The following TENM4 variants were observed in gnomAD, a reference collection of about 807,000 sequenced individuals.
TENM4 encodes the protein teneurin-4.
A neutral mutation model predicts 243.3 loss-of-function variants in TENM4; 82 were observed. That is an observed-to-expected ratio of 0.34 (90% CI 0.28 to 0.40). TENM4 has a LOEUF of 0.40. Ranked by LOEUF, TENM4 falls within the 10% of genes least tolerant of loss-of-function variation. The probability of loss-of-function intolerance (pLI) is 1.00; values close to 1 mark genes in which losing one functional copy is unlikely to be tolerated. For missense variants in TENM4, 3,138 were observed against 3,673.3 expected (o/e 0.85, Z 3.77); for synonymous variants, 1,412 against 1,456.3 (o/e 0.97, Z 0.69).
intron 1 of TENM4, among the ~76,000 whole-genome samples, chr11:79,380,184 G>A (rs531401871): frequency 2.6e-5 from 4 of 152,258 alleles, no homozygotes; most frequent in African/African-American, 9.6e-5. Flanking sequence ...TGCAGCAAAT[G>A]TTGAATGAGA....
chr11:78,946,809 G>A (rs927184631), intron 6 of TENM4, among the ~76,000 whole-genome samples: 2 of 152,190 alleles, frequency 1.3e-5, no homozygotes, highest in African/African-American at 4.8e-5. Flanking sequence ...CTGCAGGTGT[G>A]TTGGTAGTAG....
At chr11:78,739,172 C>T (rs752998711) in intron 19 of TENM4, among the ~76,000 whole-genome samples, 4 of 152,132 alleles carry the variant, frequency 2.6e-5, no homozygotes, top group Non-Finnish European at 4.4e-5. Context: ...TGGAACCTGA[C>T]ACCTCTCCCA....
chr11:79,298,466 G>A (rs1163674153), intron 1 of TENM4, among the ~76,000 whole-genome samples: 2 of 136,312 alleles, frequency 1.5e-5, no homozygotes, highest in Admixed American at 8.1e-5. Context: ...AGTGAGCCGA[G>A]ATTGCGCCAC....
At chr11:78,716,477 G>T (rs2135819931) in intron 25 of TENM4, among the ~76,000 whole-genome samples, 1 of 152,208 alleles carries the variant, frequency 6.6e-6, no homozygotes, top group East Asian at 1.9e-4. Flanking sequence ...AGTCTCTGCG[G>T]CTTTGAACTG....
At chr11:79,351,569 G>A (rs139279427) in intron 1 of TENM4, among the ~76,000 whole-genome samples, 2,061 of 152,238 alleles carry the variant, frequency 0.014, 24 homozygotes, top group Admixed American at 0.023. Context: ...AGCCAGGCGT[G>A]ATTGGCAGGC....
intron 27 of TENM4, among the ~76,000 whole-genome samples, chr11:78,708,028 T>A (rs564170409): frequency 2.0e-5 from 3 of 152,220 alleles, no homozygotes; most frequent in Non-Finnish European, 4.4e-5. Context: ...CAAATACCCA[T>A]CAGTGTTACC....
intron 12 of TENM4, among the ~76,000 whole-genome samples, chr11:78,817,242 C>T (rs1857626248): frequency 6.6e-6 from 1 of 152,176 alleles, no homozygotes; most frequent in South Asian, 2.1e-4. Flanking sequence ...ATAGCAGATG[C>T]ATTTTCAAGA....
chr11:78,756,490 G>T (rs752377552), intron 19 of TENM4: 7 of 340,476 alleles, frequency 2.1e-5, no homozygotes, highest in African/African-American at 4.2e-5. Flanking sequence ...GGAGACCACA[G>T]GATCAGTAAG....
intron 1 of TENM4, among the ~76,000 whole-genome samples, chr11:79,320,992 C>A (rs1856879063): frequency 1.3e-5 from 2 of 152,218 alleles, no homozygotes; most frequent in Admixed American, 1.3e-4. Flanking sequence ...TGATTCACAG[C>A]TGAGGAAACC....
chr11:79,137,333 A>C (rs1862129309), intron 4 of TENM4, among the ~76,000 whole-genome samples: 1 of 152,182 alleles, frequency 6.6e-6, no homozygotes, highest in African/African-American at 2.4e-5. Context: ...CAACGGAGGT[A>C]AGGAAGAGTA....
At chr11:79,272,206 G>A (rs1205432058) in intron 2 of TENM4, among the ~76,000 whole-genome samples, 2 of 152,154 alleles carry the variant, frequency 1.3e-5, no homozygotes, top group Non-Finnish European at 2.9e-5. Flanking sequence ...GCTGCTGCAA[G>A]CTCCTTTCCA....
intron 1 of TENM4, among the ~76,000 whole-genome samples, chr11:79,311,894 T>C (rs1590871152): frequency 6.6e-6 from 1 of 152,202 alleles, no homozygotes; most frequent in African/African-American, 2.4e-5. Context: ...GATGTTCAGA[T>C]AAATGGCCAT....
chr11:79,320,421 T>C (rs1297423062), intron 1 of TENM4, among the ~76,000 whole-genome samples: 3 of 152,170 alleles, frequency 2.0e-5, no homozygotes, highest in Admixed American at 6.5e-5. Flanking sequence ...AAAATAGCAG[T>C]TGAGAAAGAA....
intron 1 of TENM4, among the ~76,000 whole-genome samples, chr11:79,319,873 A>G (rs1418316920): frequency 1.3e-5 from 2 of 152,136 alleles, no homozygotes; most frequent in East Asian, 3.9e-4. Flanking sequence ...CTCCATCCCT[A>G]GTCCCCTTAG....
intron 9 of TENM4, among the ~76,000 whole-genome samples, chr11:78,865,902 A>T (rs1214876842): frequency 6.6e-6 from 1 of 152,254 alleles, no homozygotes; most frequent in African/African-American, 2.4e-5. Context: ...ACATTGTTGT[A>T]CCTAATGAGG....
At chr11:79,101,959 A>G (rs1565204559) in intron 4 of TENM4, among the ~76,000 whole-genome samples, 1 of 152,202 alleles carries the variant, frequency 6.6e-6, no homozygotes, top group African/African-American at 2.4e-5. Flanking sequence ...GCTAGGAACC[A>G]GGCTCCAGGG....
At chr11:79,301,350 T>A (rs1227384268) in intron 1 of TENM4, among the ~76,000 whole-genome samples, 1 of 152,116 alleles carries the variant, frequency 6.6e-6, no homozygotes, top group Non-Finnish European at 1.5e-5. Flanking sequence ...CTGGCCCCCT[T>A]TCAGGTTTGC....
At chr11:78,982,343 G>A (rs910899162) in intron 6 of TENM4, among the ~76,000 whole-genome samples, 1 of 152,096 alleles carries the variant, frequency 6.6e-6, no homozygotes, top group Non-Finnish European at 1.5e-5. Context: ...AGGTCCACTC[G>A]CGGCTGTGGC....
At chr11:79,024,536 C>G (rs1167644150) in intron 6 of TENM4, among the ~76,000 whole-genome samples, 2 of 152,134 alleles carry the variant, frequency 1.3e-5, no homozygotes, top group Non-Finnish European at 2.9e-5. Context: ...TTGGTTTACA[C>G]CATAAAATCA....
Sources: allele counts gnomAD v4.1 joint callset (sites outside exome capture counted in the v4.1 genomes callset), GRCh38; gene constraint gnomAD v4.1.1; transcripts MANE v1.5; gene names NCBI Gene and HGNC (gene_info 2026-07-23, HGNC 2026-07-21).